The following TBCK variants were observed in gnomAD, a reference collection of about 807,000 sequenced individuals.
TBCK encodes the protein TBC1 domain containing kinase, also known as TBC domain-containing protein kinase-like protein.
Under a neutral mutation model 113.4 loss-of-function variants are expected in TBCK, and 99 were observed. That is an observed-to-expected ratio of 0.87 (90% CI 0.74 to 1.03). The LOEUF is 1.03. Among genes scored for constraint, TBCK ranks in the 50% least tolerant of loss-of-function variants. The pLI, the probability that TBCK is intolerant of heterozygous loss-of-function variation, is 0.00. For missense variants in TBCK, 1,045 were observed against 1,061.3 expected, an observed-to-expected ratio of 0.98 and a Z score of 0.21; for synonymous variants, 369 against 370.8, an observed-to-expected ratio of 1.00 and a Z score of 0.05.
intron 20 of TBCK, among the ~76,000 whole-genome samples, chr4:106,211,478 C>T (rs1405469960): frequency 6.6e-6 from 1 of 152,050 alleles, no homozygotes; most frequent in Admixed American, 6.6e-5. Flanking sequence ...CAATGCATCA[C>T]ATGTAGGAGG....
chr4:106,100,334 G>A (rs924382221), intron 24 of TBCK, among the ~76,000 whole-genome samples: 38 of 151,868 alleles, frequency 2.5e-4, no homozygotes, highest in Admixed American at 2.1e-3. Context: ...AACTAGTATC[G>A]GCAGCAAATA....
chr4:106,235,496 T>C (rs968034070), intron 14 of TBCK, 129 bp from the exon 15 acceptor site: 2 of 517,952 alleles, frequency 3.9e-6, no homozygotes, highest in African/African-American at 2.0e-5. Context: ...TGTGCAATTA[T>C]TGTGTCTGGT....
At chr4:106,248,791 G>A (rs939136394) in intron 8 of TBCK, 130 bp downstream of exon 8, 2 of 669,848 alleles carry the variant, frequency 3.0e-6, no homozygotes, top group African/African-American at 3.7e-5. Context: ...CAAACGTACT[G>A]GTGCCTTTAA....
intron 23 of TBCK, among the ~76,000 whole-genome samples, chr4:106,119,568 A>C (rs1743994846): frequency 6.6e-6 from 1 of 152,232 alleles, no homozygotes; most frequent in Non-Finnish European, 1.5e-5. Flanking sequence ...TACTAGGAGA[A>C]AACATTGTGG....
chr4:106,175,607 T>C (rs926833562), intron 22 of TBCK, among the ~76,000 whole-genome samples: 1 of 152,058 alleles, frequency 6.6e-6, no homozygotes. Context: ...GCTATGCCTA[T>C]TGGCTCTGAG....
At chr4:106,191,064 G>A (rs1753613997) in intron 22 of TBCK, among the ~76,000 whole-genome samples, 1 of 152,094 alleles carries the variant, frequency 6.6e-6, no homozygotes, top group Admixed American at 6.6e-5. Flanking sequence ...AACATATTTG[G>A]GGAATAAAAA....
intron 3 of TBCK, among the ~76,000 whole-genome samples, chr4:106,292,368 G>C (rs112410417): frequency 0.027 from 4,092 of 152,068 alleles, 178 homozygotes; most frequent in African/African-American, 0.094. Flanking sequence ...TCAGGAGATC[G>C]AGATCATCCT....
chr4:106,061,200 A>G (rs1736002777), intron 25 of TBCK, among the ~76,000 whole-genome samples: 1 of 151,798 alleles, frequency 6.6e-6, no homozygotes, highest in African/African-American at 2.4e-5. Flanking sequence ...TCTGTGAGTA[A>G]AATGCTGTTA....
At chr4:106,073,773 G>GTT (rs1737818774) in intron 25 of TBCK, among the ~76,000 whole-genome samples, 1 of 152,162 alleles carries the variant, frequency 6.6e-6, no homozygotes, top group African/African-American at 2.4e-5. Context: ...GCTCCACCCA[G>GTT]TTTGAGCTTC....
chr4:106,234,482 C>T (rs902491439), intron 15 of TBCK, among the ~76,000 whole-genome samples: 1 of 152,068 alleles, frequency 6.6e-6, no homozygotes, highest in African/African-American at 2.4e-5. Flanking sequence ...CTAGTTCTAT[C>T]ACCCAGGCTA....
At position 106,230,376 on chromosome 4, in the gene TBCK, T is replaced by C. The variant is rs1374046531; in HGVS notation, c.1761A>G (p.Ser587=). 3 of 1,595,650 alleles carry C rather than the reference T, an allele frequency of 1.9e-6. No individual in the cohort carries two copies. The highest frequency in any genetic ancestry group is 2.6e-6 in the Non-Finnish European group (3 of 1,166,560). Reference sequence around the variant, plus strand: ...ACATTTGCTTACCTTGTATTACATGTGAGTTGTCTTTTAAGAAGAAGTTAT... The same window carrying C: ...ACATTTGCTTACCTTGTATTACATGCGAGTTGTCTTTTAAGAAGAAGTTAT... The part of the protein sequence containing the change: ...YLYNFFLKDN[S]HVIQEYLTVF... The change falls in exon 19 of 26, where the codon TCA becomes TCG. Residue 587 remains serine, a synonymous_variant. Transcript: ENST00000394708.
intron 6 of TBCK, 119 bp from the exon 7 acceptor site, chr4:106,250,597 T>G (rs988240982): frequency 7.2e-6 from 4 of 557,820 alleles, no homozygotes; most frequent in Non-Finnish European, 1.3e-5. Flanking sequence ...TCTCCAAAAG[T>G]TTTAATGGAT....
chr4:106,053,624 C>G (rs1193574402), intron 25 of TBCK, among the ~76,000 whole-genome samples: 2 of 151,674 alleles, frequency 1.3e-5, no homozygotes, highest in African/African-American at 4.8e-5. Context: ...TAAGTCCTAT[C>G]TATACACTGA....
intron 1 of TBCK, among the ~76,000 whole-genome samples, chr4:106,314,154 A>T (rs1370002470): frequency 6.6e-6 from 1 of 152,210 alleles, no homozygotes; most frequent in Non-Finnish European, 1.5e-5. Flanking sequence ...ACTAACTTTG[A>T]CAATGTACAA....
intron 25 of TBCK, among the ~76,000 whole-genome samples, chr4:106,050,997 CTCTT>C (rs1373226341): frequency 6.6e-6 from 1 of 151,992 alleles, no homozygotes; most frequent in Non-Finnish European, 1.5e-5. Context: ...CTTGTTTTCT[CTCTT>C]TATCTTGCAT....
intron 23 of TBCK, among the ~76,000 whole-genome samples, chr4:106,118,863 T>C (rs991461991): frequency 6.6e-6 from 1 of 152,148 alleles, no homozygotes; most frequent in Non-Finnish European, 1.5e-5. Context: ...CTATATGAAA[T>C]GGTAAGAAGA....
intron 23 of TBCK, among the ~76,000 whole-genome samples, chr4:106,156,623 C>A (rs1268877025): frequency 6.6e-6 from 1 of 152,176 alleles, no homozygotes; most frequent in African/African-American, 2.4e-5. Context: ...TTTCCATAGG[C>A]AGAAGGGCCT....
At chr4:106,147,576 G>A (rs1339882242) in intron 23 of TBCK, among the ~76,000 whole-genome samples, 1 of 152,058 alleles carries the variant, frequency 6.6e-6, no homozygotes, top group Non-Finnish European at 1.5e-5. Flanking sequence ...AACATAAATT[G>A]TGAAGATTTC....
chr4:106,283,492 C>T (rs767149407), intron 3 of TBCK, among the ~76,000 whole-genome samples: 1 of 152,078 alleles, frequency 6.6e-6, no homozygotes. Context: ...TGAAGAAGTG[C>T]TGTACATTGC....
Sources: allele counts gnomAD v4.1 joint callset (sites outside exome capture counted in the v4.1 genomes callset), GRCh38; gene constraint gnomAD v4.1.1; transcripts MANE v1.5; gene names NCBI Gene and HGNC (gene_info 2026-07-23, HGNC 2026-07-21).